Variants in PLET1 observed in about 807,000 individuals in gnomAD.
The protein encoded by PLET1 is placenta-expressed transcript 1 protein.
In PLET1, 20 loss-of-function variants were observed where a neutral mutation model predicts 18.5. The ratio of observed to expected loss-of-function variants is 1.08; its 90% CI spans 0.76 to 1.57. The LOEUF is 1.57. Among genes scored for constraint, PLET1 ranks in the 40% most tolerant of loss-of-function variants. The pLI, the probability that PLET1 is intolerant of heterozygous loss-of-function variation, is 0.00. For synonymous variants in PLET1, 93 were observed against 93.8 expected, an observed-to-expected ratio of 0.99 and a Z score of 0.05; for missense variants, 256 against 246.4, an observed-to-expected ratio of 1.04 and a Z score of -0.26.
At chr11:112,249,038 T>C (rs1566826204) in intron 3 of PLET1, 64 bp from the exon 4 acceptor site, 2 of 1,445,630 alleles carry the variant, frequency 1.4e-6, no homozygotes, top group East Asian at 5.0e-5. Flanking sequence ...CGTTGGGTGG[T>C]GGGTGGGCAC....
chr11:112,249,033 G>A (rs1330514691), intron 3 of PLET1, 59 bp from the exon 4 acceptor site: 24 of 1,470,702 alleles, frequency 1.6e-5, no homozygotes, highest in Non-Finnish European at 2.1e-5. Context: ...ACCTCCGTTG[G>A]GTGGTGGGTG....
At chr11:112,260,355 T>G in intron 1 of PLET1, 51 bp downstream of exon 1, 1 of 1,483,270 alleles carries the variant, frequency 6.7e-7, no homozygotes, top group South Asian at 1.3e-5. Flanking sequence ...GAAATTCTGG[T>G]TAATTTCCCT....
chr11:112,260,391 A>G lies in PLET1; in HGVS notation c.184+15T>C, dbSNP rs1860275610. 6.5e-7 allele frequency: 1 copy of G among 1,546,372 alleles called. No homozygotes were observed. Among genetic ancestry groups the G allele is most frequent in the Non-Finnish European group, 8.7e-7 (1 of 1,143,002 alleles). ...CAGGGAACAAAGGACAGCAGAGAGC[A>G]TGGCTTCTACTCACCAGAATAGACT... On this transcript the variant is annotated intron_variant, in intron 1 of 3. Transcript: ENST00000338832.
rs5794786 is a variant in PLET1 at position 112,257,372 on chromosome 11, C to CTT, written c.185-1785_185-1784dup. 1.7e-3 allele frequency among the ~76,000 whole-genome samples: 242 copies of CTT among 145,644 alleles called. 2 individuals carry two copies. Among genetic ancestry groups the CTT allele is most frequent in the South Asian group, 9.1e-3 (42 of 4,628 alleles). Reference sequence around the variant, plus strand: ...ATTTATCCCTTTTTAACTCTCGTTCCTTTTTTTTTTTTTAAACTGTTGCAT... The same window carrying CTT: ...ATTTATCCCTTTTTAACTCTCGTTCCTTTTTTTTTTTTTTTAAACTGTTGCAT... On this transcript the variant is annotated intron_variant, in intron 1 of 3. Transcript: ENST00000338832.
intron 2 of PLET1, 87 bp downstream of exon 2, chr11:112,255,301 A>G (rs1235933941): frequency 1.5e-6 from 2 of 1,339,114 alleles, no homozygotes; most frequent in Non-Finnish European, 2.1e-6. Context: ...TCTGGATTGT[A>G]TTTTAAGTCC....
chr11:112,255,729 T>C, intron 1 of PLET1, 140 bp from the exon 2 acceptor site: 1 of 720,872 alleles, frequency 1.4e-6, no homozygotes, highest in Non-Finnish European at 2.4e-6. Flanking sequence ...GGTCTCACTG[T>C]TGTAAAAGAA....
intron 1 of PLET1, among the ~76,000 whole-genome samples, chr11:112,258,877 G>A (rs193268738): frequency 1.3e-5 from 2 of 152,294 alleles, no homozygotes; most frequent in African/African-American, 2.4e-5. Context: ...CAAGGTGAGC[G>A]CGTGAAGGCA....
chr11:112,255,111 GTGTA>G (rs1327342088), intron 2 of PLET1, among the ~76,000 whole-genome samples: 2 of 128,716 alleles, frequency 1.6e-5, no homozygotes, highest in Non-Finnish European at 3.3e-5. Flanking sequence ...TGTATGTGTG[GTGTA>G]TGTGTGTGAG....
At chr11:112,257,593 C>G (rs747292850) in intron 1 of PLET1, among the ~76,000 whole-genome samples, 10 of 151,956 alleles carry the variant, frequency 6.6e-5, no homozygotes, top group Non-Finnish European at 1.0e-4. Context: ...AAATCACATC[C>G]CTCTTGCCCA....
At position 112,255,478 on chromosome 11, in the gene PLET1, G is replaced by A; in HGVS notation, c.296C>T (p.Ser99Phe). 6.4e-7 allele frequency: 1 copy of A among 1,552,142 alleles called. No homozygotes were observed. The highest frequency in any genetic ancestry group is 1.2e-5 in the South Asian group (1 of 84,066). The change falls in exon 2 of 4, where the codon TCC (serine) becomes TTC (phenylalanine). Residue 99 changes from serine (S) to phenylalanine (F), a missense_variant. Physicochemically the swap from Ser to Phe is radical, Grantham distance 155 (BLOSUM62 -2). Coordinates refer to ENST00000338832, the MANE Select transcript of PLET1 (RefSeq NM_001145024.1). ...QRADKNCYSN[S>F]TYYVKDQYMT... is the part of the protein sequence containing the mutation. ...GTATTGATCTTTCACGTAATACGTG[G>A]AGTTGCTGTAGCAATTTTTATCCGC...
intron 1 of PLET1, among the ~76,000 whole-genome samples, chr11:112,255,872 CAAAA>C (rs1288475194): frequency 6.6e-6 from 1 of 152,124 alleles, no homozygotes; most frequent in Admixed American, 6.6e-5. Context: ...AAAAGGCAGA[CAAAA>C]GAAGACCCAT....
chr11:112,254,155 G>A (rs1210501913), intron 2 of PLET1, among the ~76,000 whole-genome samples: 6 of 151,708 alleles, frequency 4.0e-5, no homozygotes, highest in Non-Finnish European at 7.4e-5. Context: ...AACAAAGAGG[G>A]TGCTCAGTTC....
chr11:112,248,940 C>T lies in PLET1; in HGVS notation c.483G>A (p.Gln161=). ...TGAAGAAAGGCTTGAAGGCTGAGCT[C>T]TGGGGAATCTTGGCAGCTAAGGCTA... ...STLALAAKIP[Q]SSAFKPFFMI... The change falls in exon 4 of 4, where the codon CAG becomes CAA. Residue 161 remains glutamine (Q), a synonymous_variant. Transcript: ENST00000338832. The T allele has an allele frequency of 6.4e-7, 1 of 1,550,806 alleles. No homozygotes were observed. The highest frequency in any genetic ancestry group is 8.7e-7 in the Non-Finnish European group (1 of 1,146,972).
intron 1 of PLET1, among the ~76,000 whole-genome samples, chr11:112,260,091 T>A (rs528897558): frequency 6.4e-4 from 98 of 152,238 alleles, no homozygotes; most frequent in African/African-American, 2.1e-3. Flanking sequence ...GCAATGATTA[T>A]CCCTTAAAAT....
chr11:112,251,247 T>G (rs1437101733), intron 3 of PLET1, among the ~76,000 whole-genome samples: 1 of 151,452 alleles, frequency 6.6e-6, no homozygotes. Context: ...AGTTACCTAT[T>G]TTTCTGAATC....
intron 2 of PLET1, 115 bp from the exon 3 acceptor site, chr11:112,252,524 A>G (rs1228341839): frequency 8.2e-6 from 7 of 851,154 alleles, no homozygotes; most frequent in Admixed American, 7.0e-5. Flanking sequence ...TACTTTCTGT[A>G]TGGCACAATG....
chr11:112,260,429 T>C lies in PLET1; in HGVS notation c.161A>G (p.Tyr54Cys), dbSNP rs1237881407. Residue 54 changes from tyrosine (Y) to cysteine (C), a missense_variant, in exon 1 of 4, where the codon TAC becomes TGC. Transcript: ENST00000338832. ...TLDIKASSHI[Y>C]ESNAVYSVFV... ...ACCAGAATAGACTGCATTGCTTTCG[T>C]AGATATGTGAACTGGCCTTGATGTC... 2 of 1,551,646 alleles carry C rather than the reference T, an allele frequency of 1.3e-6. No homozygotes were observed. The highest frequency in any genetic ancestry group is 4.9e-5 in the East Asian group (2 of 40,932).
intron 2 of PLET1, 50 bp downstream of exon 2, chr11:112,255,338 A>G: frequency 6.6e-7 from 1 of 1,517,018 alleles, no homozygotes; most frequent in Non-Finnish European, 9.0e-7. Context: ...AACTGCATAA[A>G]CCCAATATGA....
Position 112,257,962 on chromosome 11 carries a change from C to T in PLET1, c.185-2373G>A, listed in dbSNP as rs144544232. On this transcript the variant is annotated intron_variant, in intron 1 of 3. Transcript: ENST00000338832. ...TGTGGGATCTGGCAATTTACATCTC[C>T]GTCGGCGAAGATTTTGACCCTTGAC... 3.4e-3 allele frequency among the ~76,000 whole-genome samples: 514 copies of T among 152,318 alleles called. 3 individuals carry two copies. Among genetic ancestry groups the T allele is most frequent in the Non-Finnish European group, 5.4e-3 (370 of 68,042 alleles).
Sources: allele counts gnomAD v4.1 joint callset (sites outside exome capture counted in the v4.1 genomes callset), GRCh38; gene constraint gnomAD v4.1.1; transcripts MANE v1.5; gene names NCBI Gene and HGNC (gene_info 2026-07-23, HGNC 2026-07-21).